The following CIITA variants were observed in gnomAD, a reference collection of about 807,000 sequenced individuals.
CIITA encodes the protein class II major histocompatibility complex transactivator.
CIITA carries 72 observed loss-of-function variants against 115.1 expected under a neutral mutation model. The observed-to-expected ratio is 0.63, with a 90% confidence interval of 0.52 to 0.76. The LOEUF (loss-of-function observed/expected upper bound fraction) is 0.76. Ranked by LOEUF, CIITA falls within the 30% of genes least tolerant of loss-of-function variation. The probability of loss-of-function intolerance (pLI) is 0.00; values close to 1 mark genes in which losing one functional copy is unlikely to be tolerated. For missense variants in CIITA, 1,617 were observed against 1,463.8 expected (o/e 1.10, Z -1.71); for synonymous variants, 763 against 635.6 (o/e 1.20, Z -3.02).
chr16:10,942,406 C>G lies in CIITA; in HGVS notation n.1532C>G, dbSNP rs992900917. On this transcript the variant is annotated non_coding_transcript_exon_variant, in exon 2 of 2. Transcript: ENST00000573379. The surrounding 1 kb of genome is among the most constrained non-coding windows in gnomAD (Gnocchi z 5.0). ...CGCCCCGCAGGTCCTCGCGCACCCC[C>G]CGCGCCCCCGCAGGCCCAGCACCCA... 1.8e-5 allele frequency: 3 copies of G among 162,496 alleles called. No homozygotes were observed. Among genetic ancestry groups the G allele is most frequent in the African/African-American group, 4.8e-5 (2 of 41,644 alleles). The allele number at this position is 162,496 out of a possible 1,614,324, so 10.1% of individuals were successfully genotyped here.
chr16:10,905,096 G>A (rs958303426), intron 10 of CIITA, among the ~76,000 whole-genome samples: 1 of 152,238 alleles, frequency 6.6e-6, no homozygotes, highest in African/African-American at 2.4e-5. Context: ...AGCGAATGAT[G>A]AAGTGAGTGA....
In CIITA at chr16:10,901,149, C is replaced by T. The variant is rs1230655635; in HGVS notation, c.437-365C>T. On this transcript the variant is annotated intron_variant, in intron 5 of 19. Coordinates refer to ENST00000324288, the MANE Select transcript of CIITA (RefSeq NM_000246.4). This position sits in a 1 kb window ranked among gnomAD's most constrained non-coding sequence, Gnocchi z 6.8. ...CTCCTGCAATGTAGGAACCACCACC[C>T]CCATTTCATAGATGTGAGATCAAAG... Among the ~76,000 whole-genome samples, 1 of 152,152 alleles carries T rather than the reference C, an allele frequency of 6.6e-6. No homozygotes were observed. Among genetic ancestry groups the T allele is most frequent in the Non-Finnish European group, 1.5e-5 (1 of 68,038 alleles).
At chr16:10,871,608 C>G (rs2035488586) in intron 1 of CIITA, among the ~76,000 whole-genome samples, 1 of 152,170 alleles carries the variant, frequency 6.6e-6, no homozygotes, top group Non-Finnish European at 1.5e-5. Context: ...GCTAAGCTCC[C>G]TTCCTCCAGC....
chr16:10,867,559 G>C (rs1174035396), intron 1 of CIITA, among the ~76,000 whole-genome samples: 2 of 152,070 alleles, frequency 1.3e-5, no homozygotes, highest in Non-Finnish European at 2.9e-5. Context: ...GAAAGAAAGA[G>C]AGAGAAAGAG....
chr16:10,909,566 C>T (rs1157098177), intron 12 of CIITA, among the ~76,000 whole-genome samples: 3 of 152,146 alleles, frequency 2.0e-5, no homozygotes, highest in Non-Finnish European at 4.4e-5. Context: ...GAGCTAAGGT[C>T]CAGAAGGCAG....
intron 1 of CIITA, among the ~76,000 whole-genome samples, chr16:10,877,752 C>T (rs768186598): frequency 2.6e-5 from 4 of 152,214 alleles, no homozygotes; most frequent in Admixed American, 6.5e-5. Context: ...GGGACCTCTG[C>T]CAGACTCCAC....
At chr16:10,917,403 A>G (rs1374069959) in intron 15 of CIITA, among the ~76,000 whole-genome samples, 1 of 151,348 alleles carries the variant, frequency 6.6e-6, no homozygotes, top group African/African-American at 2.4e-5. Flanking sequence ...TGAACTTCTG[A>G]GCTCAAGCCA....
intron 12 of CIITA, among the ~76,000 whole-genome samples, chr16:10,909,434 G>A (rs1294079598): frequency 2.0e-5 from 3 of 152,198 alleles, no homozygotes; most frequent in African/African-American, 4.8e-5. Context: ...CTAAAGCCAT[G>A]GAGAACCTCT....
At chr16:10,936,433 T>C (rs1433645760), downstream of CIITA, 1 of 152,192 alleles carries the variant, frequency 6.6e-6, no homozygotes, top group African/African-American at 2.4e-5. Context: ...TTATGAAAAT[T>C]ACACATATAC....
chr16:10,906,437 G>A (rs965811609), intron 10 of CIITA, 62 bp from the exon 11 acceptor site: 10 of 1,570,260 alleles, frequency 6.4e-6, no homozygotes, highest in African/African-American at 2.7e-5. Context: ...TGGCCTTGTG[G>A]TGGCTGGCCC....
chr16:10,907,559 G>T lies in CIITA; in HGVS notation c.2067G>T (p.Ala689=). 1 of 1,614,150 alleles carries T rather than the reference G, an allele frequency of 6.2e-7. No individual in the cohort carries two copies. The highest frequency in any genetic ancestry group is 8.5e-7 in the Non-Finnish European group (1 of 1,180,024). The change falls in exon 11 of 20, where the codon GCG becomes GCT. Residue 689 remains alanine (A), a synonymous_variant. Transcript: ENST00000324288. The surrounding 1 kb of genome is among the most constrained non-coding windows in gnomAD (Gnocchi z 5.0). ...QFPSADVRTW[A]MAKGLVQHPP... ...CATCCGCAGACGTGAGGACCTGGGC[G>T]ATGGCCAAAGGCTTAGTCCAACACC...
intron 5 of CIITA, among the ~76,000 whole-genome samples, chr16:10,900,964 A>G (rs756633796): frequency 6.6e-6 from 1 of 151,960 alleles, no homozygotes; most frequent in Non-Finnish European, 1.5e-5. Flanking sequence ...GCAGATTTAC[A>G]CTCCCCTCGT....
At position 10,906,762 on chromosome 16, in the gene CIITA, C is replaced by T; in HGVS notation, c.1270C>T (p.Gln424Ter). Residue 424 changes from glutamine to a stop codon, truncating the protein, a stop_gained, in exon 11 of 20, where the codon CAG (glutamine) becomes TAG (stop). Transcript: ENST00000324288. LOFTEE classifies it high-confidence loss of function. ...GATTGCTGTGCTGGGCAAAGCTGGT[C>T]AGGGCAAGAGCTATTGGGCTGGGGC... is the stretch of plus-strand genomic sequence containing the variant. ...RVIAVLGKAG[Q>*]GKSYWAGAVS... 2 of 1,610,950 alleles carry T rather than the reference C, an allele frequency of 1.2e-6. No homozygotes were observed. Among genetic ancestry groups the T allele is most frequent in the Non-Finnish European group, 1.7e-6 (2 of 1,179,698 alleles).
intron 1 of CIITA, among the ~76,000 whole-genome samples, chr16:10,871,288 C>A (rs1044595950): frequency 6.6e-6 from 1 of 152,160 alleles, no homozygotes; most frequent in Admixed American, 6.5e-5. Flanking sequence ...AACCACAAGC[C>A]CAACGTGCAT....
chr16:10,917,177 AT>A (rs1014472272), intron 15 of CIITA, among the ~76,000 whole-genome samples: 1 of 151,840 alleles, frequency 6.6e-6, no homozygotes, highest in Non-Finnish European at 1.5e-5. Context: ...GATCAATGTG[AT>A]TTTTTTTCTT....
In CIITA at chr16:10,925,864, A is replaced by G. The variant is rs2040511503; in HGVS notation, c.*2009A>G. The G allele has an allele frequency of 6.6e-6, 1 of 152,194 alleles. No individual in the cohort carries two copies. The highest frequency in any genetic ancestry group is 2.1e-4 in the South Asian group (1 of 4,836). The allele number at this position is 152,194 out of a possible 1,614,324, so 9.4% of individuals were successfully genotyped here. ...AAGCACCAAAAGCTTACCAAGGGGA[A>G]TGTTTGCCTCTGCCTCTGACACACA... On this transcript the variant is annotated 3_prime_UTR_variant, in exon 20 of 20. Transcript: ENST00000324288.
chr16:10,906,351 C>T (rs866339298), intron 10 of CIITA, 148 bp from the exon 11 acceptor site: 5 of 1,017,840 alleles, frequency 4.9e-6, no homozygotes, highest in Non-Finnish European at 5.9e-6. Flanking sequence ...AAAAGCCAGA[C>T]CCTGTCTCAA....
Position 10,902,680 on chromosome 16 carries a change from G to C in CIITA, c.651G>C (p.Leu217Phe). The C allele has an allele frequency of 3.1e-6, 5 of 1,614,196 alleles. No individual in the cohort carries two copies. The highest frequency in any genetic ancestry group is 4.2e-6 in the Non-Finnish European group (5 of 1,180,034). The change falls in exon 8 of 20, where the codon TTG (leucine) becomes TTC (phenylalanine). Residue 217 changes from leucine to phenylalanine, a missense_variant. Physicochemically the swap from Leu to Phe is conservative, Grantham distance 22 (BLOSUM62 0). Coordinates refer to ENST00000324288, the MANE Select transcript of CIITA (RefSeq NM_000246.4). ...QIPMPFSSSS[L>F]SCLNLPEGPI... ...CAGTGCCTTTCTCCAGTTCCTCGTT[G>C]AGCTGCCTGAATCTCCCTGAGGGAC...
downstream of CIITA, chr16:10,941,216 C>CTCGGTGGTCGCCGT: frequency 6.4e-6 from 1 of 155,714 alleles, no homozygotes; most frequent in Admixed American, 6.3e-5. This position sits in a 1 kb window ranked among gnomAD's most constrained non-coding sequence, Gnocchi z 6.4. Flanking sequence ...AAGCCAAGGT[C>CTCGGTGGTCGCCGT]ATCATCAAGC....
Sources: allele counts gnomAD v4.1 joint callset (sites outside exome capture counted in the v4.1 genomes callset), GRCh38; gene constraint gnomAD v4.1.1; non-coding constraint Gnocchi (gnomAD v3.1); transcripts MANE v1.5; gene names NCBI Gene and HGNC (gene_info 2026-07-23, HGNC 2026-07-21).